GSE1: variants seen among roughly 807,000 people sequenced by gnomAD.
GSE1 encodes the protein genetic suppressor element 1.
Under a neutral mutation model 112.6 loss-of-function variants are expected in GSE1, and 32 were observed. That is an observed-to-expected ratio of 0.28 (90% confidence interval 0.21 to 0.38). GSE1 has a LOEUF of 0.38. Ranked by LOEUF, GSE1 falls within the 10% of genes least tolerant of loss-of-function variation. GSE1 has a pLI of 1.00. For missense variants in GSE1, 2,348 were observed against 1,699.2 expected, an observed-to-expected ratio of 1.38 and a Z score of -6.71; for synonymous variants, 1,115 against 735.6, an observed-to-expected ratio of 1.52 and a Z score of -8.35.
chr16:85,238,348 G>A (rs1904874247), intron 1 of GSE1, among the ~76,000 whole-genome samples: 1 of 152,190 alleles, frequency 6.6e-6, no homozygotes, highest in African/African-American at 2.4e-5. Context: ...CTCTCACCAA[G>A]GCAGCCATCC....
chr16:85,218,459 C>T (rs576531441), intron 1 of GSE1, among the ~76,000 whole-genome samples: 5 of 152,166 alleles, frequency 3.3e-5, no homozygotes, highest in East Asian at 1.9e-4. Context: ...TGGAGACCTG[C>T]GGAGTGCCAG....
At chr16:85,294,516 A>ATGT (rs1014786983) in intron 1 of GSE1, among the ~76,000 whole-genome samples, 3 of 151,524 alleles carry the variant, frequency 2.0e-5, no homozygotes, top group Admixed American at 2.0e-4. Context: ...CTTTTGCCTC[A>ATGT]TGTTGGTGCC....
chr16:85,237,140 A>G (rs1428446082), intron 1 of GSE1, among the ~76,000 whole-genome samples: 1 of 152,036 alleles, frequency 6.6e-6, no homozygotes, highest in Non-Finnish European at 1.5e-5. Context: ...CCTGGCCAAC[A>G]TGGTGAAACC....
chr16:85,556,585 C>T (rs991420628), intron 1 of GSE1, among the ~76,000 whole-genome samples: 2 of 151,548 alleles, frequency 1.3e-5, no homozygotes, highest in African/African-American at 2.4e-5. Flanking sequence ...CCGCCGCCCC[C>T]ATCGCGCCGC....
intron 1 of GSE1, among the ~76,000 whole-genome samples, chr16:85,242,252 G>GC (rs1349709533): frequency 2.0e-5 from 3 of 152,140 alleles, no homozygotes; most frequent in East Asian, 3.9e-4. Context: ...GCTCACCCCA[G>GC]CCCCCCTGCA....
chr16:85,647,764 T>C (rs1404185828), intron 2 of GSE1, among the ~76,000 whole-genome samples: 1 of 152,174 alleles, frequency 6.6e-6, no homozygotes, highest in African/African-American at 2.4e-5. Flanking sequence ...TATTTGTATT[T>C]TTAGTAGAGA....
intron 2 of GSE1, among the ~76,000 whole-genome samples, chr16:85,495,559 G>A (rs1393843054): frequency 6.6e-6 from 1 of 151,522 alleles, no homozygotes; most frequent in Non-Finnish European, 1.5e-5. Flanking sequence ...TGCAGTGGTG[G>A]GATCTCAGCT....
chr16:85,329,996 GC>G (rs1485260377), intron 1 of GSE1, among the ~76,000 whole-genome samples: 1 of 152,060 alleles, frequency 6.6e-6, no homozygotes, highest in Non-Finnish European at 1.5e-5. Flanking sequence ...TTTATTTTCT[GC>G]CCCCTGGCAG....
At chr16:85,460,641 C>T (rs1483759857) in intron 2 of GSE1, among the ~76,000 whole-genome samples, 1 of 152,258 alleles carries the variant, frequency 6.6e-6, no homozygotes, top group African/African-American at 2.4e-5. Context: ...CGGCAGTGAC[C>T]TCTCCTTGCC....
chr16:85,661,024 G>C (rs759318462), intron 8 of GSE1, 122 bp from the exon 9 acceptor site: 2 of 816,728 alleles, frequency 2.4e-6, no homozygotes, highest in Non-Finnish European at 1.9e-6. Context: ...AGCCCTGTTG[G>C]CACTGGCTCT....
intron 1 of GSE1, among the ~76,000 whole-genome samples, chr16:85,211,376 C>T (rs1451572935): frequency 6.6e-6 from 1 of 151,710 alleles, no homozygotes; most frequent in Non-Finnish European, 1.5e-5. Context: ...AAGCCACTGG[C>T]ATGCAGGGCG....
intron 1 of GSE1, among the ~76,000 whole-genome samples, chr16:85,312,582 C>T (rs1033401746): frequency 6.6e-6 from 1 of 152,202 alleles, no homozygotes; most frequent in Non-Finnish European, 1.5e-5. Flanking sequence ...TTTAGAGCAT[C>T]TTAACTTCCT....
chr16:85,336,952 T>A (rs1029489223), intron 1 of GSE1, among the ~76,000 whole-genome samples: 1 of 152,184 alleles, frequency 6.6e-6, no homozygotes, highest in East Asian at 1.9e-4. Flanking sequence ...GCACACATGC[T>A]TGTATACACA....
At chr16:85,288,197 G>T (rs1425147267) in intron 1 of GSE1, among the ~76,000 whole-genome samples, 1 of 152,138 alleles carries the variant, frequency 6.6e-6, no homozygotes, top group Non-Finnish European at 1.5e-5. Context: ...CTGAGATCAC[G>T]CCATTGCACT....
chr16:85,225,951 G>A (rs557946083), intron 1 of GSE1, among the ~76,000 whole-genome samples: 18 of 152,300 alleles, frequency 1.2e-4, no homozygotes, highest in South Asian at 2.1e-4. Flanking sequence ...TCCACTGGCC[G>A]GGTGGCTCTT....
chr16:85,458,499 C>G (rs566799597), intron 2 of GSE1, among the ~76,000 whole-genome samples: 1 of 152,244 alleles, frequency 6.6e-6, no homozygotes, highest in Non-Finnish European at 1.5e-5. Context: ...GAGGCCCTGT[C>G]CCAGGTACCA....
chr16:85,443,887 G>A (rs1453527224), intron 2 of GSE1, among the ~76,000 whole-genome samples: 3 of 151,588 alleles, frequency 2.0e-5, no homozygotes, highest in African/African-American at 7.3e-5. Context: ...GACCTATGGC[G>A]ACCAGAAAGC....
At chr16:85,173,224 T>C (rs2074393092) in intron 1 of GSE1, among the ~76,000 whole-genome samples, 1 of 152,228 alleles carries the variant, frequency 6.6e-6, no homozygotes. Context: ...CCTTCTCATC[T>C]CATTTTATAG....
At chr16:85,364,185 G>A (rs922268741) in intron 2 of GSE1, among the ~76,000 whole-genome samples, 2 of 152,170 alleles carry the variant, frequency 1.3e-5, no homozygotes, top group Non-Finnish European at 2.9e-5. Flanking sequence ...GAGGCCGCCC[G>A]CATTCCTTGA....
Sources: gnomAD v4.1 joint callset for allele counts (sites outside exome capture counted in the v4.1 genomes callset) on GRCh38, gnomAD v4.1.1 for gene constraint, MANE v1.5 for transcripts, NCBI Gene and HGNC (gene_info 2026-07-23, HGNC 2026-07-21) for gene names.